Variants in ZNF652 observed in about 807,000 individuals in gnomAD.
ZNF652 encodes zinc finger protein 652.
Under a neutral mutation model 45.2 loss-of-function variants are expected in ZNF652, and 16 were observed. The ratio of observed to expected loss-of-function variants is 0.35; its 90% CI spans 0.24 to 0.54. The LOEUF (loss-of-function observed/expected upper bound fraction) is 0.54. Ranked by LOEUF, ZNF652 falls within the 20% of genes least tolerant of loss-of-function variation. ZNF652 has a pLI of 0.91. For synonymous variants in ZNF652, 250 were observed against 260.6 expected (o/e 0.96, Z 0.39); for missense variants, 614 against 765.6 (o/e 0.80, Z 2.34).
intron 1 of ZNF652, among the ~76,000 whole-genome samples, chr17:49,321,632 T>G (rs2069894570): frequency 6.6e-6 from 1 of 152,020 alleles, no homozygotes; most frequent in Admixed American, 6.6e-5. Flanking sequence ...ATAATTTGGC[T>G]TATCCAAGCT....
chr17:49,326,180 A>T (rs1027841345), intron 1 of ZNF652, among the ~76,000 whole-genome samples: 3 of 149,964 alleles, frequency 2.0e-5, no homozygotes, highest in Non-Finnish European at 4.4e-5. Context: ...TGGGAGGCCA[A>T]GGTGGGAGAA....
chr17:49,351,036 C>T (rs944117844), intron 1 of ZNF652, among the ~76,000 whole-genome samples: 1,657 of 133,262 alleles, frequency 0.012, 104 homozygotes, highest in African/African-American at 0.039. Context: ...CACACACACA[C>T]ACACACACAC....
chr17:49,299,132 A>G lies in ZNF652; in HGVS notation c.1310-208T>C, dbSNP rs184982520. Among the ~76,000 whole-genome samples the G allele has an allele frequency of 5.3e-4, 80 of 152,048 alleles. 1 individual carries two copies. In the East Asian group the frequency reaches 0.014, roughly 27 times the overall value. On this transcript the variant is annotated intron_variant, in intron 5 of 5. Coordinates refer to ENST00000430262, the MANE Select transcript of ZNF652 (RefSeq NM_001145365.3). ...CGCCTGGCCTATGAGACTGTATTCT[A>G]GAGTCATTTAAAAATCCTCTCAAAT...
intron 1 of ZNF652, among the ~76,000 whole-genome samples, chr17:49,356,856 C>A (rs559840480): frequency 6.6e-6 from 1 of 152,242 alleles, no homozygotes; most frequent in South Asian, 2.1e-4. Flanking sequence ...ACAACGCTAT[C>A]CTGCAACAAA....
At chr17:49,349,680 T>A (rs944439784) in intron 1 of ZNF652, among the ~76,000 whole-genome samples, 1 of 152,224 alleles carries the variant, frequency 6.6e-6, no homozygotes, top group Non-Finnish European at 1.5e-5. Flanking sequence ...AAAAGTTGGC[T>A]ATTTTCCATA....
chr17:49,310,310 G>C (rs992827110), intron 5 of ZNF652, among the ~76,000 whole-genome samples: 1 of 152,130 alleles, frequency 6.6e-6, no homozygotes, highest in Non-Finnish European at 1.5e-5. Flanking sequence ...GGAATCCTGT[G>C]ATTAGATTTT....
rs10609861 is a variant in ZNF652, at chr17:49,293,655, TAAAAAAAAAAAA to T, written c.*4746_*4757del. On this transcript the variant is annotated 3_prime_UTR_variant, in exon 6 of 6. Coordinates refer to ENST00000430262, the MANE Select transcript of ZNF652 (RefSeq NM_001145365.3). ...CTAATGGCTTATGACCTTTCATTCC[TAAAAAAAAAAAA>T]AAAAAAAAAAAAAAAAAACTCTTAA... 2.6e-5 allele frequency among the ~76,000 whole-genome samples: 2 copies of T among 78,302 alleles called. No homozygotes were observed. The highest frequency in any genetic ancestry group is 3.4e-4 in the East Asian group (1 of 2,970). The allele number at this position is 78,302 out of a possible 152,430, so 51.4% of individuals were successfully genotyped here. A position where few individuals can be genotyped will look rare whatever the true frequency, so the allele number is the denominator to read the frequency against.
At position 49,303,541 on chromosome 17, in the gene ZNF652, T is replaced by C. The variant is rs559746741; in HGVS notation, c.1310-4617A>G. Among the ~76,000 whole-genome samples the C allele has an allele frequency of 8.7e-4, 133 of 152,172 alleles. 4 individuals carry two copies. In the South Asian group the frequency reaches 0.026, roughly 29 times the overall value. On this transcript the variant is annotated intron_variant, in intron 5 of 5. Coordinates refer to ENST00000430262, the MANE Select transcript of ZNF652 (RefSeq NM_001145365.3). ...AGGTGTGAGCCACTGCGCCTGGCCA[T>C]GTAGTTTGTTTTCTAAATTAAATAT...
In ZNF652 at chr17:49,303,389, C is replaced by T. The variant is rs372677765; in HGVS notation, c.1310-4465G>A. 4.0e-5 allele frequency among the ~76,000 whole-genome samples: 6 copies of T among 151,858 alleles called. No homozygotes were observed. In the South Asian group the frequency reaches 1.3e-3, roughly 32 times the overall value. ...CCAAGTAGCTGGGACTACAGGCATG[C>T]ACCACCATACCTGGCTAGTTTTTGT... On this transcript the variant is annotated intron_variant, in intron 5 of 5. Coordinates refer to ENST00000430262, the MANE Select transcript of ZNF652 (RefSeq NM_001145365.3).
At chr17:49,330,889 AAAAC>A (rs148491803) in intron 1 of ZNF652, among the ~76,000 whole-genome samples, 33,769 of 148,946 alleles carry the variant, frequency 0.23, 3,943 homozygotes, top group South Asian at 0.3. Flanking sequence ...TGTCTCTACT[AAAAC>A]AAACAAACAA....
At chr17:49,307,334 G>A (rs1194913818) in intron 5 of ZNF652, among the ~76,000 whole-genome samples, 2 of 150,702 alleles carry the variant, frequency 1.3e-5, no homozygotes, top group Non-Finnish European at 3.0e-5. Context: ...GAGAGGCTGA[G>A]GCAGGAGAAT....
chr17:49,332,894 G>T lies in ZNF652; in HGVS notation c.-258-14911C>A, dbSNP rs565489838. ...CTCCAGCATATCTATGGTCAGAAATGAATTAACAAAACTCATGCCTATAGT... is the reference window on the plus strand; with the variant it reads ...CTCCAGCATATCTATGGTCAGAAATTAATTAACAAAACTCATGCCTATAGT... On this transcript the variant is annotated intron_variant, in intron 1 of 5. Transcript: ENST00000430262. Among the ~76,000 whole-genome samples, 13 of 152,028 alleles carry T rather than the reference G, an allele frequency of 8.6e-5. No homozygotes were observed. The South Asian group carries it at 2.1e-3, about 24-fold the overall frequency.
intron 1 of ZNF652, among the ~76,000 whole-genome samples, chr17:49,329,936 G>A (rs750198460): frequency 1.2e-4 from 18 of 152,156 alleles, no homozygotes; most frequent in Non-Finnish European, 2.5e-4. Context: ...TCACCAATAA[G>A]CACCACGCCC....
intron 1 of ZNF652, 141 bp from the exon 2 acceptor site, chr17:49,318,124 G>A (rs1305748178): frequency 6.5e-6 from 1 of 154,066 alleles, no homozygotes; most frequent in East Asian, 1.9e-4. Flanking sequence ...TGTCACCCAG[G>A]CTGGAGTGCA....
rs34251428 is a variant in ZNF652, at chr17:49,356,997, TA to T, written c.-259+4911del. 4.2e-3 allele frequency among the ~76,000 whole-genome samples: 576 copies of T among 138,606 alleles called. 1 individual carries two copies. The highest frequency in any genetic ancestry group is 4.8e-3 in the African/African-American group (182 of 37,762). 90.9% of individuals were successfully genotyped at this position (138,606 alleles called of 152,430 possible). ...GTAATCAATCACTTGAACTATGTTT[TA>T]AAAAAAAAAAAAAAAAGAGGCTGGG... On this transcript the variant is annotated intron_variant, in intron 1 of 5. Transcript: ENST00000430262.
rs1002182996 is a variant in ZNF652 at position 49,312,121 on chromosome 17, A to C, written c.1049-79T>G. ...CTAAAAAGGCATCCTACTGTAAAGC[A>C]ATTAGGCCATCCTAATTTTCTACAC... is the stretch of plus-strand genomic sequence containing the variant. On this transcript the variant is annotated intron_variant, in intron 3 of 5. Coordinates refer to ENST00000430262, the MANE Select transcript of ZNF652 (RefSeq NM_001145365.3). The C allele has an allele frequency of 2.9e-5, 25 of 863,054 alleles. No individual in the cohort carries two copies. In the African/African-American group the frequency reaches 3.9e-4, roughly 13 times the overall value. 53.5% of individuals were successfully genotyped at this position (863,054 alleles called of 1,614,324 possible).
chr17:49,298,980 C>A, intron 5 of ZNF652, 56 bp from the exon 6 acceptor site: 1 of 1,491,506 alleles, frequency 6.7e-7, no homozygotes, highest in South Asian at 1.3e-5. Context: ...ATTGTGTGCT[C>A]AAGCTTTTTT....
rs776657480 is a variant in ZNF652 at position 49,298,426 on chromosome 17, G to A, written c.1808C>T (p.Ala603Val). The A allele has an allele frequency of 6.9e-5, 111 of 1,612,574 alleles. No individual in the cohort carries two copies. The highest frequency in any genetic ancestry group is 8.5e-7 in the Non-Finnish European group (1 of 1,180,046). The change falls in exon 6 of 6, where the codon GCA (alanine) becomes GTA (valine). Residue 603 changes from alanine to valine, a missense_variant. Physicochemically the swap from Ala to Val is moderately conservative, Grantham distance 64. Around this residue, in one of 5 missense-constraint regions of ZNF652, gnomAD observed 132 missense variants for 137.2 expected, o/e 0.96. Coordinates refer to ENST00000430262, the MANE Select transcript of ZNF652 (RefSeq NM_001145365.3). ...LRHLAEKNSSAQHH is the reference protein window; with the variant it reads ...LRHLAEKNSSVQHH ...AGGAGACGGATGTTAATGATGCTGT[G>A]CTGAACTGTTCTTCTCTGCCAGGTG... is the stretch of plus-strand genomic sequence containing the variant.
At chr17:49,324,425 C>T (rs2069933801) in intron 1 of ZNF652, among the ~76,000 whole-genome samples, 3 of 152,052 alleles carry the variant, frequency 2.0e-5, no homozygotes, top group African/African-American at 7.2e-5. Context: ...GGAGTCTCAC[C>T]TGTCACCCAG....
Sources: gnomAD v4.1 joint callset for allele counts (sites outside exome capture counted in the v4.1 genomes callset) on GRCh38, gnomAD v4.1.1 for gene constraint, gnomAD v4.1.1 regional missense constraint, MANE v1.5 for transcripts, NCBI Gene and HGNC (gene_info 2026-07-23, HGNC 2026-07-21) for gene names.